CAP2: variants seen among roughly 807,000 people sequenced by gnomAD.
The protein encoded by CAP2 is cyclase associated actin cytoskeleton regulatory protein 2.
Under a neutral mutation model 57.7 loss-of-function variants are expected in CAP2, and 24 were observed. The ratio of observed to expected loss-of-function variants is 0.42; its 90% confidence interval spans 0.30 to 0.58. CAP2 has a LOEUF of 0.58. CAP2 is among the 20% of genes least tolerant of loss of function. The pLI is 0.22. For synonymous variants in CAP2, 194 were observed against 207.2 expected (o/e 0.94, Z 0.55); for missense variants, 501 against 590.3 (o/e 0.85, Z 1.57).
intron 6 of CAP2, among the ~76,000 whole-genome samples, chr6:17,510,896 TC>T: frequency 6.6e-6 from 1 of 152,312 alleles, no homozygotes; most frequent in South Asian, 2.1e-4. Context: ...CCTGTCCTTC[TC>T]CCAGTCCCTC....
chr6:17,544,271 A>T (rs898418543), intron 11 of CAP2, among the ~76,000 whole-genome samples: 1 of 152,140 alleles, frequency 6.6e-6, no homozygotes, highest in African/African-American at 2.4e-5. Context: ...AAATAAAAGT[A>T]CTGTGAGACT....
chr6:17,407,495 G>C (rs996427576), intron 1 of CAP2, among the ~76,000 whole-genome samples: 3 of 149,008 alleles, frequency 2.0e-5, no homozygotes, highest in Non-Finnish European at 4.5e-5. Context: ...AAAAAAAAAT[G>C]GCCAGGCGCA....
chr6:17,534,740 C>T (rs973718398), intron 7 of CAP2, among the ~76,000 whole-genome samples: 29 of 152,298 alleles, frequency 1.9e-4, no homozygotes, highest in Admixed American at 1.8e-3. Context: ...CTGATCTGAT[C>T]CTTTCCTTCT....
At chr6:17,459,515 A>G (rs1452053128) in intron 3 of CAP2, among the ~76,000 whole-genome samples, 1 of 152,232 alleles carries the variant, frequency 6.6e-6, no homozygotes, top group Non-Finnish European at 1.5e-5. Context: ...TGCAAAGTAG[A>G]AAGACAGGGG....
In CAP2 at chr6:17,415,931, A is replaced by C. The variant is rs149870441; in HGVS notation, c.-1-5624A>C. ...CTTAACAGACCCTTCACCAATGAGC[A>C]CAAGATGGGTTGGGTGAAGAAAATA... On this transcript the variant is annotated intron_variant, in intron 1 of 12. Transcript: ENST00000229922. Among the ~76,000 whole-genome samples, 711 of 152,214 alleles carry C rather than the reference A, an allele frequency of 4.7e-3. 7 individuals carry two copies. The highest frequency in any genetic ancestry group is 0.016 in the African/African-American group (679 of 41,558).
At chr6:17,555,264 G>A (rs1180464535) in intron 12 of CAP2, among the ~76,000 whole-genome samples, 3 of 151,780 alleles carry the variant, frequency 2.0e-5, no homozygotes, top group Admixed American at 6.6e-5. Flanking sequence ...GCGCAATCTC[G>A]GCTCACCACA....
intron 3 of CAP2, among the ~76,000 whole-genome samples, chr6:17,460,616 C>A (rs950798035): frequency 6.6e-6 from 1 of 152,108 alleles, no homozygotes; most frequent in Non-Finnish European, 1.5e-5. Context: ...ACATAATTAT[C>A]CCAGTCTCAA....
intron 1 of CAP2, among the ~76,000 whole-genome samples, chr6:17,404,646 C>T (rs1758905424): frequency 6.6e-6 from 1 of 150,944 alleles, no homozygotes; most frequent in Non-Finnish European, 1.5e-5. Context: ...TGGCACGCAC[C>T]TGTAATCCCA....
intron 2 of CAP2, among the ~76,000 whole-genome samples, chr6:17,421,883 C>T (rs1042554581): frequency 2.6e-5 from 4 of 152,232 alleles, no homozygotes; most frequent in African/African-American, 9.6e-5. Flanking sequence ...CAACAATTAT[C>T]AGTATCTGTG....
chr6:17,411,302 G>T (rs545108416), intron 1 of CAP2, among the ~76,000 whole-genome samples: 1 of 152,302 alleles, frequency 6.6e-6, no homozygotes, highest in African/African-American at 2.4e-5. Context: ...TATTTCTCTT[G>T]AGTAAAATAG....
At chr6:17,465,087 C>G (rs1022081999) in intron 4 of CAP2, among the ~76,000 whole-genome samples, 1 of 152,222 alleles carries the variant, frequency 6.6e-6, no homozygotes, top group African/African-American at 2.4e-5. Flanking sequence ...GGCATTCCAG[C>G]ATGAGCCATA....
chr6:17,529,759 GTTCT>G (rs1762598126), intron 7 of CAP2, among the ~76,000 whole-genome samples: 1 of 151,678 alleles, frequency 6.6e-6, no homozygotes, highest in South Asian at 2.1e-4. Flanking sequence ...AAAACTGGTA[GTTCT>G]TTCTTTTAAT....
At chr6:17,465,690 A>G (rs73721581) in intron 4 of CAP2, among the ~76,000 whole-genome samples, 3,832 of 152,254 alleles carry the variant, frequency 0.025, 157 homozygotes, top group African/African-American at 0.082. Context: ...AAAAGACCTG[A>G]AGTTTATTGG....
At chr6:17,476,964 C>T (rs534473487) in intron 4 of CAP2, among the ~76,000 whole-genome samples, 6 of 145,082 alleles carry the variant, frequency 4.1e-5, no homozygotes, top group Admixed American at 1.4e-4. Context: ...CTCTGCCTCT[C>T]GGGTTCAAGT....
intron 3 of CAP2, among the ~76,000 whole-genome samples, chr6:17,447,034 A>T (rs926585): frequency 0.6 from 90,775 of 152,000 alleles, 27,642 homozygotes; most frequent in East Asian, 0.87. Context: ...TTAGCTTTTT[A>T]ATTTAAGAGG....
At chr6:17,504,531 C>G (rs1761923365) in intron 4 of CAP2, among the ~76,000 whole-genome samples, 1 of 152,190 alleles carries the variant, frequency 6.6e-6, no homozygotes, top group Non-Finnish European at 1.5e-5. Context: ...GTCTCAGGGC[C>G]TCCCCGAAGA....
intron 3 of CAP2, among the ~76,000 whole-genome samples, chr6:17,429,364 C>G (rs1455827228): frequency 6.6e-6 from 1 of 151,760 alleles, no homozygotes; most frequent in African/African-American, 2.4e-5. Context: ...GTACACAGTA[C>G]ATTATAACTC....
intron 11 of CAP2, among the ~76,000 whole-genome samples, chr6:17,547,503 G>A (rs570499142): frequency 1.3e-5 from 2 of 152,278 alleles, no homozygotes; most frequent in East Asian, 3.9e-4. Context: ...TCAGAAACAA[G>A]AAGAGAATTC....
chr6:17,517,715 A>G (rs113747842), intron 7 of CAP2, among the ~76,000 whole-genome samples: 1,954 of 152,214 alleles, frequency 0.013, 47 homozygotes, highest in African/African-American at 0.045. Context: ...AGCCTGGCCA[A>G]CATAGCAAAA....
Sources: gnomAD v4.1 joint callset for allele counts (sites outside exome capture counted in the v4.1 genomes callset) on GRCh38, gnomAD v4.1.1 for gene constraint, MANE v1.5 for transcripts, NCBI Gene and HGNC (gene_info 2026-07-23, HGNC 2026-07-21) for gene names.